Variants in LRRC4C observed in about 807,000 individuals in gnomAD.
LRRC4C encodes leucine rich repeat containing 4C, also known as leucine-rich repeat-containing protein 4C.
In LRRC4C, 5 loss-of-function variants were observed where a neutral mutation model predicts 33.6. That is an observed-to-expected ratio of 0.15 (90% CI 0.08 to 0.31). The LOEUF (loss-of-function observed/expected upper bound fraction) is 0.31. LRRC4C is among the 10% of genes least tolerant of loss of function. LRRC4C has a pLI of 1.00. For synonymous variants in LRRC4C, 329 were observed against 302.0 expected (o/e 1.09, Z -0.93); for missense variants, 560 against 796.7 (o/e 0.70, Z 3.58).
At chr11:40,943,826 C>A (rs538850112) in intron 1 of LRRC4C, among the ~76,000 whole-genome samples, 22 of 152,254 alleles carry the variant, frequency 1.4e-4, no homozygotes, top group Admixed American at 6.5e-4. Context: ...CCATAAAAAC[C>A]GGACCTGATA....
chr11:40,913,510 A>G (rs1016431003), intron 2 of LRRC4C, among the ~76,000 whole-genome samples: 7 of 152,188 alleles, frequency 4.6e-5, no homozygotes, highest in African/African-American at 1.7e-4. Context: ...GAGAACAAAG[A>G]CACAACATAC....
At chr11:41,137,975 T>G (rs571305860) in intron 1 of LRRC4C, among the ~76,000 whole-genome samples, 1 of 152,300 alleles carries the variant, frequency 6.6e-6, no homozygotes, top group Admixed American at 6.5e-5. Flanking sequence ...ACCATGGGCA[T>G]GCCAACTGGG....
At chr11:41,304,578 G>C (rs888739624) in intron 1 of LRRC4C, among the ~76,000 whole-genome samples, 2,309 of 41,888 alleles carry the variant, frequency 0.055, no homozygotes, top group Non-Finnish European at 0.09. Flanking sequence ...GAGGTGGGGG[G>C]GTCAGCCCCC....
intron 2 of LRRC4C, among the ~76,000 whole-genome samples, chr11:40,680,096 G>A (rs1003829457): frequency 6.6e-6 from 1 of 152,176 alleles, no homozygotes; most frequent in African/African-American, 2.4e-5. Flanking sequence ...AATCAAAGGA[G>A]ATCATTTTAC....
intron 1 of LRRC4C, among the ~76,000 whole-genome samples, chr11:41,089,961 C>A (rs1940286891): frequency 6.6e-6 from 1 of 151,286 alleles, no homozygotes; most frequent in Admixed American, 6.6e-5. Context: ...CAGTTATTTT[C>A]AAAGAATAAG....
chr11:40,149,904 T>C (rs1858048437), intron 5 of LRRC4C, among the ~76,000 whole-genome samples: 1 of 152,122 alleles, frequency 6.6e-6, no homozygotes, highest in South Asian at 2.1e-4. Flanking sequence ...AAAGTATTAG[T>C]TTCCTGTGGT....
chr11:40,574,037 C>T (rs940759855), intron 3 of LRRC4C, among the ~76,000 whole-genome samples: 1 of 152,042 alleles, frequency 6.6e-6, no homozygotes, highest in Non-Finnish European at 1.5e-5. Context: ...ACTGACACAG[C>T]AATTGTCACA....
intron 2 of LRRC4C, among the ~76,000 whole-genome samples, chr11:40,819,088 A>T (rs964366129): frequency 6.6e-6 from 1 of 152,148 alleles, no homozygotes; most frequent in African/African-American, 2.4e-5. Context: ...GTATCCAATG[A>T]TACGTAATCC....
chr11:40,235,453 T>A (rs1245557439), intron 5 of LRRC4C, among the ~76,000 whole-genome samples: 1 of 152,174 alleles, frequency 6.6e-6, no homozygotes, highest in Non-Finnish European at 1.5e-5. Context: ...ATAATATGTG[T>A]CTAAATGTCA....
chr11:41,301,175 C>G (rs1348313187), intron 1 of LRRC4C, among the ~76,000 whole-genome samples: 1 of 152,132 alleles, frequency 6.6e-6, no homozygotes, highest in Non-Finnish European at 1.5e-5. Context: ...AGGATATGCA[C>G]CTCTGCTCCT....
At chr11:40,348,394 G>A (rs1350125278) in intron 3 of LRRC4C, among the ~76,000 whole-genome samples, 3 of 152,064 alleles carry the variant, frequency 2.0e-5, no homozygotes, top group South Asian at 2.1e-4. Flanking sequence ...AACAGACTTA[G>A]TATATTTACT....
At chr11:40,635,859 T>C (rs529276783) in intron 3 of LRRC4C, among the ~76,000 whole-genome samples, 1 of 152,028 alleles carries the variant, frequency 6.6e-6, no homozygotes, top group African/African-American at 2.4e-5. Context: ...CAGGAAGGTC[T>C]CAATCTCCTG....
At chr11:40,989,010 G>A (rs1853306125) in intron 1 of LRRC4C, among the ~76,000 whole-genome samples, 1 of 152,022 alleles carries the variant, frequency 6.6e-6, no homozygotes, top group African/African-American at 2.4e-5. Context: ...GTGAGCCACC[G>A]CGCCTGGCCT....
intron 1 of LRRC4C, among the ~76,000 whole-genome samples, chr11:41,133,325 G>A (rs964535052): frequency 2.0e-5 from 3 of 152,144 alleles, no homozygotes; most frequent in Non-Finnish European, 4.4e-5. Context: ...TCTCCAAAGA[G>A]AGTAGAAAAT....
intron 2 of LRRC4C, among the ~76,000 whole-genome samples, chr11:40,806,440 C>A (rs1413775144): frequency 6.6e-6 from 1 of 152,184 alleles, no homozygotes; most frequent in Non-Finnish European, 1.5e-5. Context: ...GCTGCTGGGG[C>A]AAACGCCCCA....
intron 1 of LRRC4C, among the ~76,000 whole-genome samples, chr11:41,062,237 T>G (rs2135371600): frequency 6.6e-6 from 1 of 152,332 alleles, no homozygotes; most frequent in African/African-American, 2.4e-5. Context: ...CCTTATCTTC[T>G]TTCTCTTCTC....
intron 1 of LRRC4C, among the ~76,000 whole-genome samples, chr11:40,976,434 A>AGTCATTCATTTTGTGCACACTG (rs1356272718): frequency 2.0e-5 from 3 of 152,222 alleles, no homozygotes; most frequent in Non-Finnish European, 4.4e-5. Context: ...CAGATCAGCA[A>AGTCATTCATTTTGTGCACACTG]GTCATTCATT....
intron 1 of LRRC4C, among the ~76,000 whole-genome samples, chr11:41,313,523 A>G (rs182466401): frequency 6.6e-6 from 1 of 152,138 alleles, no homozygotes; most frequent in Non-Finnish European, 1.5e-5. Context: ...AGAAAAACAA[A>G]TGCATATTGA....
chr11:41,187,806 C>G (rs2136193279), intron 1 of LRRC4C, among the ~76,000 whole-genome samples: 1 of 152,322 alleles, frequency 6.6e-6, no homozygotes, highest in South Asian at 2.1e-4. Flanking sequence ...GCACCACAAC[C>G]TGCCCATCTG....
Sources: allele counts gnomAD v4.1 joint callset (sites outside exome capture counted in the v4.1 genomes callset), GRCh38; gene constraint gnomAD v4.1.1; transcripts MANE v1.5; gene names NCBI Gene and HGNC (gene_info 2026-07-23, HGNC 2026-07-21).